Variants in RANBP2 observed in about 807,000 individuals in gnomAD.
RANBP2 encodes the protein E3 SUMO-protein ligase RanBP2.
A neutral mutation model predicts 303.6 loss-of-function variants in RANBP2; 57 were observed. The observed-to-expected ratio is 0.19, with a 90% CI of 0.15 to 0.23. RANBP2 has a LOEUF of 0.23. RANBP2 is among the 10% of genes least tolerant of loss of function. RANBP2 has a pLI of 1.00. For missense variants in RANBP2, 3,138 were observed against 3,780.8 expected, an observed-to-expected ratio of 0.83 and a Z score of 4.46; for synonymous variants, 1,167 against 1,301.5, an observed-to-expected ratio of 0.90 and a Z score of 2.23.
At chr2:108,994,291 C>T in the RANBP2 span, among the ~76,000 whole-genome samples, 1 of 152,218 alleles carries the variant, frequency 6.6e-6, no homozygotes, top group Non-Finnish European at 1.5e-5. Flanking sequence ...AGGGCAAAGG[C>T]ATGCCCTCTC....
At chr2:109,662,373 G>GA in the RANBP2 span, among the ~76,000 whole-genome samples, 1 of 152,036 alleles carries the variant, frequency 6.6e-6, no homozygotes, top group Admixed American at 6.6e-5. Context: ...TACAACCTCT[G>GA]CCTCCCAGGT....
At chr2:109,183,024 G>A in the RANBP2 span, among the ~76,000 whole-genome samples, 1 of 152,180 alleles carries the variant, frequency 6.6e-6, no homozygotes, top group Non-Finnish European at 1.5e-5. Context: ...ACATGACTGT[G>A]TCGTGAGATG....
At chr2:109,489,926 C>G in the RANBP2 span, among the ~76,000 whole-genome samples, 1 of 152,134 alleles carries the variant, frequency 6.6e-6, no homozygotes, top group African/African-American at 2.4e-5. Flanking sequence ...TTAGTAGAGA[C>G]AGGGTTTCAC....
At chr2:109,116,500 C>T in the RANBP2 span, among the ~76,000 whole-genome samples, 1 of 152,198 alleles carries the variant, frequency 6.6e-6, no homozygotes, top group African/African-American at 2.4e-5. Flanking sequence ...TTAAGCACTT[C>T]TCTGTATTGG....
chr2:109,723,988 C>T, the RANBP2 span, among the ~76,000 whole-genome samples: 2 of 152,200 alleles, frequency 1.3e-5, no homozygotes, highest in Non-Finnish European at 2.9e-5. Flanking sequence ...CTGCTTATGG[C>T]TAGCTGGTTT....
At chr2:109,437,862 C>T in the RANBP2 span, among the ~76,000 whole-genome samples, 1 of 152,156 alleles carries the variant, frequency 6.6e-6, no homozygotes, top group East Asian at 1.9e-4. Context: ...GCTGGATTCG[C>T]AGGATGATCT....
the RANBP2 span, among the ~76,000 whole-genome samples, chr2:109,208,907 G>T: frequency 6.6e-6 from 1 of 152,194 alleles, no homozygotes; most frequent in Non-Finnish European, 1.5e-5. Flanking sequence ...GCCAGTGTGG[G>T]CATCTGGAGA....
chr2:109,510,277 G>T, the RANBP2 span, among the ~76,000 whole-genome samples: 1 of 152,194 alleles, frequency 6.6e-6, no homozygotes, highest in Non-Finnish European at 1.5e-5. Flanking sequence ...GCTCTCAAGG[G>T]GTGTTTAGAT....
the RANBP2 span, among the ~76,000 whole-genome samples, chr2:109,536,973 T>G: frequency 6.6e-6 from 1 of 152,242 alleles, no homozygotes; most frequent in Non-Finnish European, 1.5e-5. Flanking sequence ...CATGGAACTG[T>G]AAGCCCAATT....
chr2:109,743,247 G>T, the RANBP2 span, among the ~76,000 whole-genome samples: 1 of 148,052 alleles, frequency 6.8e-6, no homozygotes, highest in Non-Finnish European at 1.5e-5. Context: ...CTACAGCCTG[G>T]GTGGCAGAGC....
At chr2:109,126,661 A>G in the RANBP2 span, among the ~76,000 whole-genome samples, 1 of 152,232 alleles carries the variant, frequency 6.6e-6, no homozygotes, top group African/African-American at 2.4e-5. Flanking sequence ...AAGAAAGTGA[A>G]GGGTTGAGTC....
At chr2:108,913,056 C>G in the RANBP2 span, among the ~76,000 whole-genome samples, 2 of 151,286 alleles carry the variant, frequency 1.3e-5, no homozygotes, top group African/African-American at 4.9e-5. Context: ...TGACGCCATT[C>G]TCCTGTCTCA....
chr2:109,500,597 G>A, the RANBP2 span, among the ~76,000 whole-genome samples: 1 of 152,208 alleles, frequency 6.6e-6, no homozygotes, highest in Admixed American at 6.5e-5. Context: ...TGTGGCCTCA[G>A]CCAGTTCCAA....
In RANBP2 at chr2:108,748,621, A is replaced by G. The variant is rs149708947; in HGVS notation, c.1064-299A>G. The stretch of plus-strand genomic sequence containing the variant: ...AATAAGAGTTTGTCCCTGTTCTCCT[A>G]TGGCCACTTAAATCCAGACCTTTTC... On this transcript the variant is annotated intron_variant, in intron 8 of 28. Coordinates refer to ENST00000283195, the MANE Select transcript of RANBP2 (RefSeq NM_006267.5). Among the ~76,000 whole-genome samples, 1,065 of 152,284 alleles carry G rather than the reference A, an allele frequency of 7.0e-3. 16 individuals carry two copies. Among genetic ancestry groups the G allele is most frequent in the African/African-American group, 0.025 (1,019 of 41,540 alleles).
chr2:109,630,143 G>A, the RANBP2 span, among the ~76,000 whole-genome samples: 1 of 152,142 alleles, frequency 6.6e-6, no homozygotes, highest in South Asian at 2.1e-4. Flanking sequence ...GTGTAAGCGT[G>A]TGTATAATTA....
At chr2:109,066,072 G>A in the RANBP2 span, among the ~76,000 whole-genome samples, 1 of 151,752 alleles carries the variant, frequency 6.6e-6, no homozygotes, top group Non-Finnish European at 1.5e-5. Flanking sequence ...CGAGTAGCTG[G>A]GATTACAGGC....
chr2:108,942,299 A>G, the RANBP2 span, among the ~76,000 whole-genome samples: 2 of 152,208 alleles, frequency 1.3e-5, no homozygotes, highest in African/African-American at 4.8e-5. Context: ...GCCGAGGCAC[A>G]ATGCCGGATC....
the RANBP2 span, chr2:109,614,048 C>T: frequency 1.7e-6 from 2 of 1,211,824 alleles, no homozygotes; most frequent in Non-Finnish European, 2.1e-6. Flanking sequence ...GTTTTGCCTG[C>T]GCCAAGCGAG....
the RANBP2 span, among the ~76,000 whole-genome samples, chr2:109,330,274 G>T: frequency 7.2e-5 from 11 of 152,238 alleles, no homozygotes; most frequent in African/African-American, 2.6e-4. Flanking sequence ...CTCAATTTTG[G>T]TGTGCATTTC....
Sources: gnomAD v4.1 joint callset for allele counts (sites outside exome capture counted in the v4.1 genomes callset) on GRCh38, gnomAD v4.1.1 for gene constraint, MANE v1.5 for transcripts, NCBI Gene and HGNC (gene_info 2026-07-23, HGNC 2026-07-21) for gene names.